Variants in NOL4 observed in about 807,000 individuals in gnomAD.
The protein encoded by NOL4 is cancer/testis antigen 125.
A neutral mutation model predicts 75.9 loss-of-function variants in NOL4; 17 were observed. That is an observed-to-expected ratio of 0.22 (90% CI 0.15 to 0.34). NOL4 has a LOEUF of 0.34. NOL4 is among the 10% of genes least tolerant of loss of function. The pLI, the probability that NOL4 is intolerant of heterozygous loss-of-function variation, is 1.00. For synonymous variants in NOL4, 292 were observed against 289.9 expected (o/e 1.01, Z -0.07); for missense variants, 614 against 793.5 (o/e 0.77, Z 2.72).
At chr18:34,194,457 AAGGCAGGC>A (rs576872798) in intron 1 of NOL4, among the ~76,000 whole-genome samples, 1,933 of 146,238 alleles carry the variant, frequency 0.013, 80 homozygotes, top group East Asian at 0.097. Flanking sequence ...GGAAGGAAGG[AAGGCAGGC>A]AGGCAGGCAG....
chr18:33,969,630 T>C (rs1013338541), intron 6 of NOL4, among the ~76,000 whole-genome samples: 1 of 152,156 alleles, frequency 6.6e-6, no homozygotes, highest in Non-Finnish European at 1.5e-5. Flanking sequence ...AGATGGTATA[T>C]GGTATCTGGT....
chr18:34,029,412 T>G (rs2075520761), intron 5 of NOL4, among the ~76,000 whole-genome samples: 1 of 151,984 alleles, frequency 6.6e-6, no homozygotes, highest in Non-Finnish European at 1.5e-5. Flanking sequence ...CACTAAAGAG[T>G]AATTAAAAAT....
At chr18:33,908,857 T>G (rs539923669) in intron 9 of NOL4, among the ~76,000 whole-genome samples, 2 of 152,248 alleles carry the variant, frequency 1.3e-5, no homozygotes, top group African/African-American at 4.8e-5. Flanking sequence ...GGTGTATACA[T>G]GAGGAAAATA....
intron 2 of NOL4, among the ~76,000 whole-genome samples, chr18:34,123,870 T>C (rs2145861334): frequency 6.6e-6 from 1 of 151,818 alleles, no homozygotes; most frequent in Non-Finnish European, 1.5e-5. Flanking sequence ...ATTTGAGTGC[T>C]ATTTTATACT....
At chr18:33,983,570 T>G (rs1163740183) in intron 6 of NOL4, among the ~76,000 whole-genome samples, 1 of 151,352 alleles carries the variant, frequency 6.6e-6, no homozygotes, top group South Asian at 2.1e-4. Flanking sequence ...TGTATGTGTA[T>G]GTATAAATAT....
At chr18:33,999,921 G>C (rs1255813930) in intron 6 of NOL4, among the ~76,000 whole-genome samples, 2 of 152,014 alleles carry the variant, frequency 1.3e-5, no homozygotes, top group Admixed American at 6.6e-5. Context: ...CAAAGTGCTG[G>C]GATTACAGGT....
At chr18:33,937,261 C>T (rs1226227086) in intron 9 of NOL4, among the ~76,000 whole-genome samples, 1 of 152,194 alleles carries the variant, frequency 6.6e-6, no homozygotes, top group South Asian at 2.1e-4. Context: ...TAATAACAAG[C>T]TTCCTCTGGA....
intron 2 of NOL4, among the ~76,000 whole-genome samples, chr18:34,113,722 A>G (rs1720739546): frequency 6.6e-6 from 1 of 152,214 alleles, no homozygotes; most frequent in South Asian, 2.1e-4. Context: ...TCATAATTAA[A>G]CTTTTATGAT....
chr18:33,952,577 G>A (rs1334578374), intron 8 of NOL4, among the ~76,000 whole-genome samples: 1 of 152,194 alleles, frequency 6.6e-6, no homozygotes, highest in Non-Finnish European at 1.5e-5. Flanking sequence ...AGGCATTGAA[G>A]CTAGGTCTCT....
At chr18:34,148,322 C>T (rs1002387452) in intron 1 of NOL4, among the ~76,000 whole-genome samples, 3 of 151,592 alleles carry the variant, frequency 2.0e-5, no homozygotes, top group Admixed American at 2.0e-4. Flanking sequence ...TCAATTTTAG[C>T]TCTTTACAGC....
rs182575794 is a variant in NOL4, at chr18:33,994,611, A to C, written c.1056+24707T>G. On this transcript the variant is annotated intron_variant, in intron 6 of 10. Coordinates refer to ENST00000261592, the MANE Select transcript of NOL4 (RefSeq NM_003787.5). ...AAGTAAATGAAAATGATGACACAACATACCCAATCTTGTGAGATGCAACTA... is the reference window on the plus strand; with the variant it reads ...AAGTAAATGAAAATGATGACACAACCTACCCAATCTTGTGAGATGCAACTA... Among the ~76,000 whole-genome samples, 76 of 151,822 alleles carry C rather than the reference A, an allele frequency of 5.0e-4. 1 individual carries two copies. Among genetic ancestry groups the C allele is most frequent in the African/African-American group, 1.7e-3 (69 of 41,544 alleles).
intron 10 of NOL4, among the ~76,000 whole-genome samples, chr18:33,880,121 G>T (rs2064171946): frequency 6.6e-6 from 1 of 151,940 alleles, no homozygotes; most frequent in African/African-American, 2.4e-5. Context: ...AAGAACATTT[G>T]CACTGTCTTT....
At chr18:33,928,495 C>G (rs1308371339) in intron 9 of NOL4, among the ~76,000 whole-genome samples, 2 of 151,972 alleles carry the variant, frequency 1.3e-5, no homozygotes, top group Non-Finnish European at 2.9e-5. Flanking sequence ...AACCAGAGGT[C>G]ACTCAGAAGA....
chr18:33,877,567 G>T (rs1243443379), intron 10 of NOL4, among the ~76,000 whole-genome samples: 2 of 151,698 alleles, frequency 1.3e-5, no homozygotes, highest in Admixed American at 6.6e-5. Context: ...TTTACACAAT[G>T]AAGTGGTTGC....
chr18:34,067,251 A>G (rs968858729), intron 5 of NOL4, among the ~76,000 whole-genome samples: 1 of 152,202 alleles, frequency 6.6e-6, no homozygotes, highest in Non-Finnish European at 1.5e-5. Context: ...AAAGAATTTT[A>G]GGCAAAAGTA....
chr18:34,034,645 A>C (rs2075800162), intron 5 of NOL4, among the ~76,000 whole-genome samples: 1 of 152,076 alleles, frequency 6.6e-6, no homozygotes, highest in Admixed American at 6.6e-5. Flanking sequence ...AGGCTGGGGC[A>C]TGAGAATCAC....
chr18:33,919,389 C>T (rs2066903974), intron 9 of NOL4, among the ~76,000 whole-genome samples: 1 of 152,116 alleles, frequency 6.6e-6, no homozygotes, highest in Admixed American at 6.6e-5. Context: ...GGTGTTTACC[C>T]CCTGAGCCTT....
chr18:34,112,091 AG>A (rs1242017576), intron 2 of NOL4, among the ~76,000 whole-genome samples: 1 of 152,104 alleles, frequency 6.6e-6, no homozygotes, highest in Non-Finnish European at 1.5e-5. Flanking sequence ...CAACTAGGCC[AG>A]GTACGGTGGC....
At chr18:34,222,169 TCAATGCCAGTGCCTC>T in intron 1 of NOL4, 4 of 1,492,058 alleles carry the variant, frequency 2.7e-6, no homozygotes, top group Non-Finnish European at 3.6e-6. Context: ...CATTGGGCTC[TCAATGCCAGTGCCTC>T]GCGGCGCCTG....
Sources: allele counts gnomAD v4.1 joint callset (sites outside exome capture counted in the v4.1 genomes callset), GRCh38; gene constraint gnomAD v4.1.1; transcripts MANE v1.5; gene names NCBI Gene and HGNC (gene_info 2026-07-23, HGNC 2026-07-21).